IMPG1: variants seen among roughly 807,000 people sequenced by gnomAD.
IMPG1 encodes the protein interphotoreceptor matrix proteoglycan of 150 kDa.
In IMPG1, 85 loss-of-function variants were observed where a neutral mutation model predicts 92.0. The ratio of observed to expected loss-of-function variants is 0.92; its 90% CI spans 0.78 to 1.11. The LOEUF is 1.11. IMPG1 is among the 50% of genes least tolerant of loss of function. The pLI is 0.00. For missense variants in IMPG1, 1,022 were observed against 956.0 expected (o/e 1.07, Z -0.91); for synonymous variants, 367 against 334.1 (o/e 1.10, Z -1.08).
In IMPG1 at chr6:75,922,144, T is replaced by C; in HGVS notation, c.2339A>G (p.Glu780Gly). ...NNKVISKRNS[E>G]LLTVEYEEFN... ...TTCTTCATATTCTACGGTCAGTAAT[T>C]CAGAATTTCTTTTACTGATTACCTG... The change falls in exon 17 of 17, where the codon GAA becomes GGA. Residue 780 changes from glutamate to glycine, a missense_variant. Physicochemically the swap from Glu to Gly is moderately conservative, Grantham distance 98. This residue lies in a region of IMPG1 where 332 missense variants were observed against 346.2 expected (regional missense o/e 0.96). Transcript: ENST00000369950. 1 of 1,403,318 alleles carries C rather than the reference T, an allele frequency of 7.1e-7. No homozygotes were observed. The highest frequency in any genetic ancestry group is 1.0e-6 in the Non-Finnish European group (1 of 1,000,038). 86.9% of individuals were successfully genotyped at this position (1,403,318 alleles called of 1,614,324 possible).
chr6:75,959,811 T>A (rs1715241245), intron 12 of IMPG1, among the ~76,000 whole-genome samples: 1 of 152,000 alleles, frequency 6.6e-6, no homozygotes, highest in African/African-American at 2.4e-5. Context: ...CCATGGGGGG[T>A]GGGATCTGCT....
chr6:75,939,750 G>T (rs1431080468), intron 14 of IMPG1, among the ~76,000 whole-genome samples: 1 of 152,036 alleles, frequency 6.6e-6, no homozygotes, highest in East Asian at 1.9e-4. Context: ...GGTCCTGGGC[G>T]CCATCCCTTT....
intron 1 of IMPG1, among the ~76,000 whole-genome samples, chr6:76,048,850 A>G (rs1783989294): frequency 6.6e-6 from 1 of 152,250 alleles, no homozygotes. Flanking sequence ...CCATTACTGC[A>G]TATACCCAAA....
intron 12 of IMPG1, among the ~76,000 whole-genome samples, chr6:75,995,520 A>G (rs1582092564): frequency 6.6e-6 from 1 of 151,978 alleles, no homozygotes; most frequent in African/African-American, 2.4e-5. Flanking sequence ...ACCCCTCCTC[A>G]GTTTTTATTT....
At chr6:76,034,499 T>G in intron 3 of IMPG1, 122 bp downstream of exon 3, 1 of 1,243,192 alleles carries the variant, frequency 8.0e-7, no homozygotes, top group African/African-American at 1.5e-5. Flanking sequence ...CCTAATCAGA[T>G]ACCTCCAAGC....
chr6:75,972,350 G>A (rs903226681), intron 12 of IMPG1, among the ~76,000 whole-genome samples: 1 of 152,070 alleles, frequency 6.6e-6, no homozygotes, highest in African/African-American at 2.4e-5. Context: ...AACTTTACCT[G>A]AGCTTTATCA....
chr6:76,008,326 C>T (rs1167430961), intron 8 of IMPG1, among the ~76,000 whole-genome samples: 1 of 152,180 alleles, frequency 6.6e-6, no homozygotes. Flanking sequence ...CTCCTTTGGA[C>T]ACATGTATGA....
intron 12 of IMPG1, among the ~76,000 whole-genome samples, chr6:75,961,515 G>A (rs1483649112): frequency 6.6e-6 from 1 of 152,142 alleles, no homozygotes; most frequent in Non-Finnish European, 1.5e-5. Flanking sequence ...TTACTGTCTA[G>A]TGGTGGAAGA....
At chr6:76,008,050 C>T (rs1230204308) in intron 8 of IMPG1, among the ~76,000 whole-genome samples, 2 of 152,198 alleles carry the variant, frequency 1.3e-5, no homozygotes, top group Admixed American at 1.3e-4. Flanking sequence ...CACCATGGGA[C>T]AGCTTGCAAG....
At chr6:76,011,101 G>T in intron 8 of IMPG1, 65 bp downstream of exon 8, 1 of 907,158 alleles carries the variant, frequency 1.1e-6, no homozygotes, top group Non-Finnish European at 1.8e-6. Flanking sequence ...TTATGGCATT[G>T]TTTTTACAAA....
intron 14 of IMPG1, among the ~76,000 whole-genome samples, chr6:75,936,130 G>A (rs973768778): frequency 3.9e-5 from 6 of 152,186 alleles, no homozygotes; most frequent in Non-Finnish European, 8.8e-5. Context: ...GGAAAGCCTG[G>A]CTTCTAGAAA....
At chr6:75,939,129 G>T (rs1042825349) in intron 14 of IMPG1, among the ~76,000 whole-genome samples, 23 of 152,160 alleles carry the variant, frequency 1.5e-4, no homozygotes, top group Admixed American at 4.6e-4. Context: ...GTGAGCCACC[G>T]CTCCCAGCCT....
At chr6:75,992,242 A>T (rs572144014) in intron 12 of IMPG1, among the ~76,000 whole-genome samples, 1 of 152,192 alleles carries the variant, frequency 6.6e-6, no homozygotes, top group Non-Finnish European at 1.5e-5. Flanking sequence ...GAACTTTCAG[A>T]TTTTGAACTT....
rs149043533 is a variant in IMPG1 at position 76,010,888 on chromosome 6, C to T, written c.866+278G>A. Among the ~76,000 whole-genome samples the T allele has an allele frequency of 2.0e-4, 31 of 152,298 alleles. 1 individual carries two copies. In the East Asian group the frequency reaches 5.6e-3, roughly 27 times the overall value. On this transcript the variant is annotated intron_variant, in intron 8 of 16. Coordinates refer to ENST00000369950, the MANE Select transcript of IMPG1 (RefSeq NM_001563.4). ...TTTTCCTAAGAAGCTCATTCATAAC[C>T]ACATGACCAAAGACAGCAGATGAGC...
intron 12 of IMPG1, among the ~76,000 whole-genome samples, chr6:75,965,885 GC>G (rs1782301310): frequency 6.6e-6 from 1 of 152,144 alleles, no homozygotes; most frequent in African/African-American, 2.4e-5. Context: ...AGGATTACAG[GC>G]ATGAGCCACC....
chr6:76,051,090 C>T (rs1327902689), intron 1 of IMPG1, among the ~76,000 whole-genome samples: 1 of 151,904 alleles, frequency 6.6e-6, no homozygotes, highest in Non-Finnish European at 1.5e-5. Context: ...ATTTCAGCAC[C>T]AATTCAATGA....
At chr6:75,994,352 C>A (rs1376992596) in intron 12 of IMPG1, among the ~76,000 whole-genome samples, 1 of 152,194 alleles carries the variant, frequency 6.6e-6, no homozygotes, top group African/African-American at 2.4e-5. Flanking sequence ...TAGAATCATT[C>A]CATTTACCTA....
chr6:75,956,924 C>A (rs1035041809), intron 12 of IMPG1, among the ~76,000 whole-genome samples: 1 of 151,532 alleles, frequency 6.6e-6, no homozygotes, highest in Non-Finnish European at 1.5e-5. Flanking sequence ...TTCTTTTTTT[C>A]TTTTTTATTT....
At chr6:76,008,319 C>T (rs1191939593) in intron 8 of IMPG1, among the ~76,000 whole-genome samples, 1 of 152,144 alleles carries the variant, frequency 6.6e-6, no homozygotes, top group Non-Finnish European at 1.5e-5. Context: ...TTTTGCACTC[C>T]TTTGGACACA....
Sources: gnomAD v4.1 joint callset for allele counts (sites outside exome capture counted in the v4.1 genomes callset) on GRCh38, gnomAD v4.1.1 for gene constraint, gnomAD v4.1.1 regional missense constraint, MANE v1.5 for transcripts, NCBI Gene and HGNC (gene_info 2026-07-23, HGNC 2026-07-21) for gene names.